Variants in SPAG16 observed in about 807,000 individuals in gnomAD.
SPAG16 encodes sperm-associated antigen 16 protein.
Under a neutral mutation model 80.4 loss-of-function variants are expected in SPAG16, and 86 were observed. That is an observed-to-expected ratio of 1.07 (90% CI 0.90 to 1.28). The LOEUF (loss-of-function observed/expected upper bound fraction) is 1.28, where lower values mean the gene tolerates loss of function less well. Ranked by LOEUF, SPAG16 falls within the 50% of genes most tolerant of loss-of-function variation. SPAG16 has a pLI of 0.00. For synonymous variants in SPAG16, 294 were observed against 265.9 expected, an observed-to-expected ratio of 1.11 and a Z score of -1.03; for missense variants, 870 against 765.3, an observed-to-expected ratio of 1.14 and a Z score of -1.61.
At chr2:214,050,922 C>A (rs1051225825) in intron 13 of SPAG16, among the ~76,000 whole-genome samples, 1 of 152,196 alleles carries the variant, frequency 6.6e-6, no homozygotes, top group Non-Finnish European at 1.5e-5. Context: ...CACTCTTGCA[C>A]ATGTTTTACT....
At chr2:214,199,450 C>G (rs189619826) in intron 15 of SPAG16, among the ~76,000 whole-genome samples, 1 of 152,052 alleles carries the variant, frequency 6.6e-6, no homozygotes. Context: ...TATTCTGTTC[C>G]CTGGGTCTAC....
chr2:214,040,484 A>G (rs528487685), intron 13 of SPAG16, among the ~76,000 whole-genome samples: 47 of 151,736 alleles, frequency 3.1e-4, no homozygotes, highest in Middle Eastern at 3.2e-3. Context: ...GTTCCCCTCT[A>G]TGTGTCCATG....
chr2:214,070,579 A>G (rs2050740906), intron 13 of SPAG16, among the ~76,000 whole-genome samples: 2 of 152,106 alleles, frequency 1.3e-5, no homozygotes, highest in African/African-American at 2.4e-5. Context: ...ATATTTTACT[A>G]TTTCTAGAAA....
At chr2:213,710,589 C>A (rs1194372270) in intron 10 of SPAG16, among the ~76,000 whole-genome samples, 1 of 152,164 alleles carries the variant, frequency 6.6e-6, no homozygotes, top group African/African-American at 2.4e-5. Context: ...ATTACTCTTA[C>A]AATTAGGCGT....
At chr2:214,318,560 G>C (rs981982322) in intron 15 of SPAG16, among the ~76,000 whole-genome samples, 1 of 151,560 alleles carries the variant, frequency 6.6e-6, no homozygotes, top group Non-Finnish European at 1.5e-5. Context: ...TTTTTGTAGA[G>C]AGATGGGGTC....
intron 15 of SPAG16, among the ~76,000 whole-genome samples, chr2:214,328,779 C>G (rs544771836): frequency 1.1e-4 from 16 of 152,150 alleles, no homozygotes; most frequent in South Asian, 6.2e-4. Flanking sequence ...TTGACATATT[C>G]TCTTCTAACT....
intron 15 of SPAG16, among the ~76,000 whole-genome samples, chr2:214,312,677 CT>C (rs1695414175): frequency 6.6e-6 from 1 of 152,058 alleles, no homozygotes; most frequent in Non-Finnish European, 1.5e-5. Context: ...CTTTTATCAC[CT>C]TATGTATGGG....
At chr2:214,317,462 C>G (rs1695772017) in intron 15 of SPAG16, among the ~76,000 whole-genome samples, 1 of 152,134 alleles carries the variant, frequency 6.6e-6, no homozygotes, top group South Asian at 2.1e-4. Context: ...TAGAGAGATG[C>G]CTGTCAGTCA....
intron 10 of SPAG16, among the ~76,000 whole-genome samples, chr2:213,644,556 G>A (rs1559339083): frequency 6.6e-6 from 1 of 152,142 alleles, no homozygotes; most frequent in Admixed American, 6.5e-5. Flanking sequence ...ACTTTAGGGG[G>A]CTCCCCAAAC....
chr2:213,354,496 C>G (rs1253900719), intron 7 of SPAG16, among the ~76,000 whole-genome samples: 1 of 152,168 alleles, frequency 6.6e-6, no homozygotes, highest in South Asian at 2.1e-4. Flanking sequence ...AATTTACACT[C>G]CCACCAACAG....
chr2:213,572,573 C>G (rs2059952280), intron 10 of SPAG16, among the ~76,000 whole-genome samples: 1 of 152,148 alleles, frequency 6.6e-6, no homozygotes. Flanking sequence ...CAGGGACCCA[C>G]TTGAGGAGGC....
intron 10 of SPAG16, among the ~76,000 whole-genome samples, chr2:213,851,464 C>A (rs931424356): frequency 2.0e-5 from 3 of 152,130 alleles, no homozygotes; most frequent in Non-Finnish European, 4.4e-5. Flanking sequence ...GCCAAGATTG[C>A]GCCACTGCAC....
At chr2:213,488,438 G>A (rs1353222895) in intron 9 of SPAG16, among the ~76,000 whole-genome samples, 3 of 152,130 alleles carry the variant, frequency 2.0e-5, no homozygotes, top group Non-Finnish European at 1.5e-5. Flanking sequence ...GAAATACTTA[G>A]TGAAGTGCAG....
intron 12 of SPAG16, among the ~76,000 whole-genome samples, chr2:213,958,431 G>T (rs1458400656): frequency 6.6e-6 from 1 of 152,124 alleles, no homozygotes; most frequent in East Asian, 1.9e-4. Flanking sequence ...TAGAGAACTG[G>T]AAACTATGCA....
chr2:213,508,777 G>A (rs1419021236), intron 10 of SPAG16, among the ~76,000 whole-genome samples: 1 of 152,034 alleles, frequency 6.6e-6, no homozygotes, highest in East Asian at 1.9e-4. Flanking sequence ...TGGGGTTGGG[G>A]GAGTGGGGAG....
chr2:214,213,977 A>T (rs1033859172), intron 15 of SPAG16, among the ~76,000 whole-genome samples: 1 of 152,142 alleles, frequency 6.6e-6, no homozygotes, highest in Non-Finnish European at 1.5e-5. Flanking sequence ...CCTTCATTTA[A>T]GGTGAAACTC....
chr2:213,421,688 CA>C (rs575651045), intron 9 of SPAG16, among the ~76,000 whole-genome samples: 12 of 152,276 alleles, frequency 7.9e-5, no homozygotes, highest in Non-Finnish European at 1.5e-4. Context: ...ATAAAAGCCC[CA>C]GATGGACCCA....
At chr2:213,469,889 T>C (rs757662182) in intron 9 of SPAG16, among the ~76,000 whole-genome samples, 1 of 152,144 alleles carries the variant, frequency 6.6e-6, no homozygotes, top group Non-Finnish European at 1.5e-5. Flanking sequence ...GGTGGCAATC[T>C]TAACATCCAG....
intron 10 of SPAG16, among the ~76,000 whole-genome samples, chr2:213,718,622 A>G (rs1009438068): frequency 1.3e-5 from 2 of 151,962 alleles, no homozygotes; most frequent in Non-Finnish European, 2.9e-5. Flanking sequence ...GCAATGGGGG[A>G]CTTAGCACCC....
Sources: gnomAD v4.1 joint callset for allele counts (sites outside exome capture counted in the v4.1 genomes callset) on GRCh38, gnomAD v4.1.1 for gene constraint, MANE v1.5 for transcripts, NCBI Gene and HGNC (gene_info 2026-07-23, HGNC 2026-07-21) for gene names.